The following PKD1L3 variants were observed in gnomAD, a reference collection of about 807,000 sequenced individuals.
PKD1L3 encodes polycystin-1-like protein 3.
In PKD1L3, 239 loss-of-function variants were observed where a neutral mutation model predicts 184.1. That is an observed-to-expected ratio of 1.30 (90% confidence interval 1.17 to 1.45). The LOEUF (loss-of-function observed/expected upper bound fraction) is 1.45, where lower values mean the gene tolerates loss of function less well. Among genes scored for constraint, PKD1L3 ranks in the 40% most tolerant of loss-of-function variants. PKD1L3 has a pLI of 0.00. For missense variants in PKD1L3, 2,660 were observed against 2,067.2 expected (o/e 1.29, Z -5.56); for synonymous variants, 996 against 778.8 (o/e 1.28, Z -4.64).
At position 72,000,338 on chromosome 16, in the gene PKD1L3, G is replaced by A. The variant is rs2143934708; in HGVS notation, c.-360C>T. ...GTGCTGCTAAAAATTAATAAGTGTAGCTTTTTCTTTTCTGAGGCAGGGTCT... is the reference window on the plus strand; with the variant it reads ...GTGCTGCTAAAAATTAATAAGTGTAACTTTTTCTTTTCTGAGGCAGGGTCT... On this transcript the variant is annotated 5_prime_UTR_variant, in exon 1 of 30. Transcript: ENST00000620267. Among the ~76,000 whole-genome samples, 1 of 152,214 alleles carries A rather than the reference G, an allele frequency of 6.6e-6. No individual in the cohort carries two copies. Among genetic ancestry groups the A allele is most frequent in the Non-Finnish European group, 1.5e-5 (1 of 68,028 alleles).
intron 12 of PKD1L3, among the ~76,000 whole-genome samples, chr16:71,971,064 C>T (rs2039691736): frequency 2.0e-5 from 3 of 152,034 alleles, no homozygotes; most frequent in African/African-American, 4.8e-5. Flanking sequence ...GGGCATGGCA[C>T]GTAGAAGACA....
intron 22 of PKD1L3, among the ~76,000 whole-genome samples, chr16:71,944,729 T>A (rs1175024969): frequency 2.1e-5 from 3 of 141,784 alleles, no homozygotes; most frequent in African/African-American, 5.2e-5. Flanking sequence ...AGACGGAGTC[T>A]CACTTCGTTG....
At chr16:71,958,231 C>A (rs956943561) in intron 16 of PKD1L3, among the ~76,000 whole-genome samples, 42 of 150,974 alleles carry the variant, frequency 2.8e-4, no homozygotes, top group Admixed American at 1.3e-3. Context: ...ACTAAAAATA[C>A]AAAAAATTAG....
chr16:71,988,239 G>C (rs1321734744), intron 4 of PKD1L3, among the ~76,000 whole-genome samples: 1 of 152,014 alleles, frequency 6.6e-6, no homozygotes. Flanking sequence ...CTGTCACCCA[G>C]GCTGGAGTTC....
chr16:71,992,822 C>T (rs1010547299), intron 3 of PKD1L3, among the ~76,000 whole-genome samples: 5 of 152,094 alleles, frequency 3.3e-5, no homozygotes, highest in African/African-American at 9.7e-5. Flanking sequence ...CTATAACCAC[C>T]CATCCACCGA....
chr16:71,969,953 T>A lies in PKD1L3; in HGVS notation c.2106A>T (p.Ser702=). The change falls in exon 13 of 30, where the codon TCA becomes TCT. Residue 702 remains serine (S), a synonymous_variant. Transcript: ENST00000620267. ...LRVTNNPVGV[S]LLASLLGFYV... ...AAAATCCTAAAAGGCTGGCCAGCAG[T>A]GACACCCCAACAGGATTGTTGGTCA... 6.4e-7 allele frequency: 1 copy of A among 1,551,912 alleles called. No individual in the cohort carries two copies. Among genetic ancestry groups the A allele is most frequent in the Non-Finnish European group, 8.7e-7 (1 of 1,147,034 alleles).
intron 11 of PKD1L3, among the ~76,000 whole-genome samples, chr16:71,975,352 C>G (rs980242184): frequency 6.6e-6 from 1 of 151,962 alleles, no homozygotes; most frequent in Admixed American, 6.6e-5. Context: ...GCCACTACAC[C>G]AGGCCAGACA....
intron 2 of PKD1L3, among the ~76,000 whole-genome samples, chr16:71,994,519 A>T (rs938767040): frequency 6.6e-6 from 1 of 152,150 alleles, no homozygotes; most frequent in Non-Finnish European, 1.5e-5. Context: ...AGCTCAGATT[A>T]AGTACATCAT....
chr16:71,957,963 T>C (rs948668027), intron 16 of PKD1L3, among the ~76,000 whole-genome samples: 1 of 152,212 alleles, frequency 6.6e-6, no homozygotes, highest in African/African-American at 2.4e-5. Flanking sequence ...GCCATATAGC[T>C]GTCACAATGT....
intron 22 of PKD1L3, among the ~76,000 whole-genome samples, chr16:71,945,213 A>G (rs576207627): frequency 7.8e-5 from 11 of 140,556 alleles, no homozygotes; most frequent in Admixed American, 5.1e-4. Flanking sequence ...TCATCTGGGA[A>G]TTTTATTAAA....
chr16:71,982,078 G>C lies in PKD1L3; in HGVS notation c.1124C>G (p.Ser375Cys). The change falls in exon 7 of 30, where the codon TCC becomes TGC. Residue 375 changes from serine to cysteine, a missense_variant. Transcript: ENST00000620267. ...ACCTACCGGCTCAGTATGACGCTTG[G>C]ATTCCAGCCAACTTCCTTCTCCAGC... is the stretch of plus-strand genomic sequence containing the variant. ...TKAGEGSWLE[S>C]KRHTEPVEDI... The C allele has an allele frequency of 6.5e-7, 1 of 1,549,322 alleles. No individual in the cohort carries two copies. Among genetic ancestry groups the C allele is most frequent in the South Asian group, 1.2e-5 (1 of 83,548 alleles).
In PKD1L3 at chr16:71,954,180, G is replaced by C; in HGVS notation, c.2734C>G (p.Leu912Val). ...RVQRLSCCMT[L>V]LLCNMVINVM... ...TTGATGACCATGTTGCAGAGTAGCAGTGTCATGCAGCAAGACAGCCGTTGG... is the reference window on the plus strand; with the variant it reads ...TTGATGACCATGTTGCAGAGTAGCACTGTCATGCAGCAAGACAGCCGTTGG... Residue 912 changes from leucine to valine, a missense_variant, in exon 17 of 30, where the codon CTG becomes GTG. Transcript: ENST00000620267. 3 of 1,551,780 alleles carry C rather than the reference G, an allele frequency of 1.9e-6. No homozygotes were observed. The highest frequency in any genetic ancestry group is 1.7e-6 in the Non-Finnish European group (2 of 1,146,942).
chr16:71,956,811 ATG>A (rs754057188), intron 16 of PKD1L3, among the ~76,000 whole-genome samples: 16 of 152,346 alleles, frequency 1.1e-4, no homozygotes, highest in Admixed American at 7.8e-4. Context: ...GGTAAATGTT[ATG>A]TGTTTTTACC....
Position 71,942,665 on chromosome 16 carries a change from A to T in PKD1L3, c.4219T>A (p.Phe1407Ile), listed in dbSNP as rs895932981. Residue 1407 changes from phenylalanine (F) to isoleucine (I), a missense_variant, in exon 24 of 30, where the codon TTC (phenylalanine) becomes ATC (isoleucine). By Grantham distance (21) the Phe-to-Ile change is conservative. Coordinates refer to ENST00000620267, the MANE Select transcript of PKD1L3 (RefSeq NM_181536.2). ...SLFPGLHLRR[F>I]SYICSPRPMV... ...GGCCTGGGTGAACAGATGTAACTGA[A>T]CCTCCTTAGATGAAGTCCAGGGAAT... 1 of 1,550,968 alleles carries T rather than the reference A, an allele frequency of 6.4e-7. No individual in the cohort carries two copies. The highest frequency in any genetic ancestry group is 1.4e-5 in the African/African-American group (1 of 72,808).
At chr16:71,995,518 G>T (rs2040753874) in intron 2 of PKD1L3, among the ~76,000 whole-genome samples, 1 of 151,950 alleles carries the variant, frequency 6.6e-6, no homozygotes, top group Admixed American at 6.6e-5. Flanking sequence ...GTACGTGTAT[G>T]TATACAGGCA....
At chr16:71,976,148 G>C (rs1472194830) in intron 11 of PKD1L3, among the ~76,000 whole-genome samples, 1 of 151,422 alleles carries the variant, frequency 6.6e-6, no homozygotes, top group Non-Finnish European at 1.5e-5. Flanking sequence ...GGGTTTCACC[G>C]TGTGGGCCAG....
chr16:71,986,070 T>C, intron 5 of PKD1L3, 151 bp downstream of exon 5: 15 of 1,018,086 alleles, frequency 1.5e-5, no homozygotes, highest in Non-Finnish European at 2.1e-5. Context: ...ATTGGCTGTT[T>C]CCATGGACTT....
At chr16:71,967,793 C>G (rs1289596399) in intron 14 of PKD1L3, 113 bp downstream of exon 14, 2 of 873,256 alleles carry the variant, frequency 2.3e-6, no homozygotes, top group East Asian at 2.7e-5. Flanking sequence ...CTAGAAAATA[C>G]CAATCTCTAG....
At chr16:71,994,644 A>C (rs897035962) in intron 2 of PKD1L3, among the ~76,000 whole-genome samples, 1 of 152,044 alleles carries the variant, frequency 6.6e-6, no homozygotes, top group Admixed American at 6.6e-5. Context: ...AAATTGTCCA[A>C]ACTTATCAGC....
Sources: allele counts gnomAD v4.1 joint callset (sites outside exome capture counted in the v4.1 genomes callset), GRCh38; gene constraint gnomAD v4.1.1; transcripts MANE v1.5; gene names NCBI Gene and HGNC (gene_info 2026-07-23, HGNC 2026-07-21).